The following NRG3 variants were observed in gnomAD, a reference collection of about 807,000 sequenced individuals.
The protein encoded by NRG3 is pro-neuregulin-3, membrane-bound isoform.
A neutral mutation model predicts 66.9 loss-of-function variants in NRG3; 31 were observed. The observed-to-expected ratio is 0.46, with a 90% confidence interval of 0.35 to 0.63. The LOEUF is 0.63. NRG3 is among the 20% of genes least tolerant of loss of function. The probability of loss-of-function intolerance (pLI) is 0.00; values close to 1 mark genes in which losing one functional copy is unlikely to be tolerated. For synonymous variants in NRG3, 393 were observed against 359.4 expected (o/e 1.09, Z -1.06); for missense variants, 910 against 878.9 (o/e 1.04, Z -0.45).
chr10:82,679,893 G>T (rs1212998385), intron 2 of NRG3, among the ~76,000 whole-genome samples: 1 of 151,886 alleles, frequency 6.6e-6, no homozygotes, highest in African/African-American at 2.4e-5. Context: ...TTTTGTTTAT[G>T]TACTAACCTT....
intron 2 of NRG3, among the ~76,000 whole-genome samples, chr10:82,679,965 A>T (rs750421996): frequency 1.3e-5 from 2 of 152,174 alleles, no homozygotes; most frequent in Non-Finnish European, 2.9e-5. Context: ...ATCTATTTTG[A>T]TATGATCATA....
intron 2 of NRG3, among the ~76,000 whole-genome samples, chr10:82,427,346 G>T (rs891344115): frequency 2.0e-5 from 3 of 152,100 alleles, no homozygotes; most frequent in African/African-American, 7.2e-5. Context: ...GTGTGTGAAA[G>T]TTCTTTTTTA....
In NRG3 at chr10:82,019,690, A is replaced by G. The variant is rs192216382; in HGVS notation, c.823+143527A>G. The stretch of plus-strand genomic sequence containing the variant: ...GGAGGGTGTATGTGTCGAGGAATTT[A>G]TCCATTTCTTCTAGATTTTCTAGTT... On this transcript the variant is annotated intron_variant, in intron 1 of 8. Coordinates refer to ENST00000372141, the MANE Select transcript of NRG3 (RefSeq NM_001010848.4). 2.3e-3 allele frequency among the ~76,000 whole-genome samples: 348 copies of G among 152,170 alleles called. 5 individuals are homozygous for G. Among genetic ancestry groups the G allele is most frequent in the African/African-American group, 7.8e-3 (324 of 41,520 alleles).
At chr10:82,816,619 G>C (rs531388847) in intron 3 of NRG3, among the ~76,000 whole-genome samples, 19 of 152,038 alleles carry the variant, frequency 1.2e-4, no homozygotes, top group African/African-American at 4.3e-4. Flanking sequence ...CCTGAAGGTG[G>C]GTCTTTACCC....
intron 3 of NRG3, among the ~76,000 whole-genome samples, chr10:82,844,585 G>A (rs1342813975): frequency 6.6e-6 from 1 of 151,760 alleles, no homozygotes; most frequent in African/African-American, 2.4e-5. Flanking sequence ...CAATCTCTCG[G>A]GATGCAAGTC....
intron 1 of NRG3, among the ~76,000 whole-genome samples, chr10:81,993,810 T>C (rs1043561734): frequency 2.0e-5 from 3 of 152,220 alleles, no homozygotes; most frequent in Admixed American, 2.0e-4. Context: ...GTTTGTAATA[T>C]GTTTCTCGTG....
At chr10:82,912,940 T>C (rs920081149) in intron 4 of NRG3, among the ~76,000 whole-genome samples, 6 of 152,348 alleles carry the variant, frequency 3.9e-5, no homozygotes, top group Admixed American at 1.3e-4. Context: ...TAAAAAGTAC[T>C]TCCGGCCGGG....
chr10:82,637,053 G>A (rs1274287635), intron 2 of NRG3, among the ~76,000 whole-genome samples: 1 of 152,120 alleles, frequency 6.6e-6, no homozygotes, highest in Non-Finnish European at 1.5e-5. Context: ...TAAATGACTA[G>A]ATTGTAACTG....
At chr10:82,835,614 G>C (rs1241501051) in intron 3 of NRG3, among the ~76,000 whole-genome samples, 2 of 152,082 alleles carry the variant, frequency 1.3e-5, no homozygotes, top group African/African-American at 2.4e-5. Context: ...AAAGCCAATG[G>C]TTGGCAGAGG....
At chr10:82,584,850 G>T (rs994560487) in intron 2 of NRG3, among the ~76,000 whole-genome samples, 1 of 152,118 alleles carries the variant, frequency 6.6e-6, no homozygotes, top group African/African-American at 2.4e-5. Flanking sequence ...TCATTTGAAG[G>T]TATGTTCTGT....
intron 6 of NRG3, among the ~76,000 whole-genome samples, chr10:82,964,570 C>T (rs1429842374): frequency 1.3e-5 from 2 of 152,086 alleles, no homozygotes; most frequent in South Asian, 2.1e-4. Flanking sequence ...CAACAGCGGT[C>T]GAGTTGTTTT....
At chr10:82,648,992 C>G (rs1228817454) in intron 2 of NRG3, among the ~76,000 whole-genome samples, 1 of 152,126 alleles carries the variant, frequency 6.6e-6, no homozygotes, top group Non-Finnish European at 1.5e-5. Flanking sequence ...TAAGAGCTAT[C>G]TATGACAAAC....
At chr10:82,778,648 C>G (rs2059998939) in intron 3 of NRG3, among the ~76,000 whole-genome samples, 1 of 152,124 alleles carries the variant, frequency 6.6e-6, no homozygotes, top group Admixed American at 6.5e-5. Flanking sequence ...CAAATCATAT[C>G]AATTGATTTA....
chr10:82,140,469 C>T (rs549595867), intron 1 of NRG3, among the ~76,000 whole-genome samples: 4 of 152,246 alleles, frequency 2.6e-5, no homozygotes, highest in East Asian at 1.9e-4. Context: ...AAGTCACTGC[C>T]GCAATTTTGT....
intron 1 of NRG3, among the ~76,000 whole-genome samples, chr10:81,921,243 A>C (rs1429614149): frequency 6.6e-6 from 1 of 151,988 alleles, no homozygotes; most frequent in Non-Finnish European, 1.5e-5. Context: ...AATCTCCACT[A>C]ATTATAATTG....
chr10:82,659,746 A>G (rs938832258), intron 2 of NRG3, among the ~76,000 whole-genome samples: 4 of 152,142 alleles, frequency 2.6e-5, no homozygotes, highest in African/African-American at 9.7e-5. Context: ...TAAGTTTGCC[A>G]TATCTTATTT....
At chr10:82,179,505 A>G (rs1373451624) in intron 1 of NRG3, among the ~76,000 whole-genome samples, 1 of 151,938 alleles carries the variant, frequency 6.6e-6, no homozygotes, top group African/African-American at 2.4e-5. Flanking sequence ...TTAAGAGGCT[A>G]TCTTTTCTCC....
chr10:82,505,126 A>G (rs1207286660), intron 2 of NRG3, among the ~76,000 whole-genome samples: 1 of 152,252 alleles, frequency 6.6e-6, no homozygotes, highest in Non-Finnish European at 1.5e-5. Flanking sequence ...CCAATTATTT[A>G]AAGTCCTACC....
chr10:81,991,332 A>G (rs542353049), intron 1 of NRG3, among the ~76,000 whole-genome samples: 2 of 152,332 alleles, frequency 1.3e-5, no homozygotes, highest in East Asian at 3.9e-4. Context: ...ATTACATGAT[A>G]TAACAAGTAT....
Sources: gnomAD v4.1 joint callset for allele counts (sites outside exome capture counted in the v4.1 genomes callset) on GRCh38, gnomAD v4.1.1 for gene constraint, MANE v1.5 for transcripts, NCBI Gene and HGNC (gene_info 2026-07-23, HGNC 2026-07-21) for gene names.